ARID3A: variants seen among roughly 807,000 people sequenced by gnomAD.
ARID3A encodes AT-rich interaction domain 3A, also known as AT-rich interactive domain-containing protein 3A.
A neutral mutation model predicts 52.7 loss-of-function variants in ARID3A; 11 were observed. The ratio of observed to expected loss-of-function variants is 0.21; its 90% CI spans 0.13 to 0.35. The LOEUF is 0.35. Ranked by LOEUF, ARID3A falls within the 10% of genes least tolerant of loss-of-function variation. ARID3A has a pLI of 1.00. For missense variants in ARID3A, 721 were observed against 838.5 expected (o/e 0.86, Z 1.73); for synonymous variants, 404 against 359.4 (o/e 1.12, Z -1.40).
chr19:946,958 A>ATT (rs111913470), intron 3 of ARID3A, among the ~76,000 whole-genome samples: 11 of 139,048 alleles, frequency 7.9e-5, no homozygotes, highest in Admixed American at 5.0e-4. Flanking sequence ...TGCCTGGCTA[A>ATT]TTTTTTTTTT....
intron 3 of ARID3A, among the ~76,000 whole-genome samples, chr19:948,796 G>GCCTCCCGGATTCAAGTGATTCT (rs2037741176): frequency 7.5e-6 from 1 of 133,628 alleles, no homozygotes; most frequent in South Asian, 2.6e-4. Context: ...TGCAACCTCC[G>GCCTCCCGGATTCAAGTGATTCT]CCTCCCGGAT....
rs1275608980 is a variant in ARID3A at position 959,917 on chromosome 19, G to A, written c.694-175G>A. On this transcript the variant is annotated intron_variant, in intron 3 of 8. Coordinates refer to ENST00000263620, the MANE Select transcript of ARID3A (RefSeq NM_005224.3). The surrounding 1 kb of genome is among the most constrained non-coding windows in gnomAD (Gnocchi z 5.0). The stretch of plus-strand genomic sequence containing the variant: ...CGTTCACCGGCATTTCTGTCTTGCA[G>A]CCTTGTGGTTCTTCACCTGCCCAGC... 6.6e-6 allele frequency among the ~76,000 whole-genome samples: 1 copy of A among 152,142 alleles called. No homozygotes were observed. The highest frequency in any genetic ancestry group is 1.5e-5 in the Non-Finnish European group (1 of 68,020).
chr19:964,129 T>C lies in ARID3A; in HGVS notation c.767-119T>C. ...GCCCTGGGCAATGTCTGGAGACATC[T>C]GTGGTTGTCACAGCCTGGGCGGGGG... On this transcript the variant is annotated intron_variant, in intron 4 of 8. Coordinates refer to ENST00000263620, the MANE Select transcript of ARID3A (RefSeq NM_005224.3). This position sits in a 1 kb window ranked among gnomAD's most constrained non-coding sequence, Gnocchi z 5.7. The C allele has an allele frequency of 1.3e-6, 1 of 780,276 alleles. No individual in the cohort carries two copies. The highest frequency in any genetic ancestry group is 2.0e-6 in the Non-Finnish European group (1 of 490,900). The allele number at this position is 780,276 out of a possible 1,614,324, so 48.3% of individuals were successfully genotyped here.
chr19:950,414 G>A (rs1055898814), intron 3 of ARID3A, among the ~76,000 whole-genome samples: 1 of 152,066 alleles, frequency 6.6e-6, no homozygotes, highest in Non-Finnish European at 1.5e-5. Context: ...CAGAGTGAAT[G>A]GATGAGCACC....
chr19:969,429 C>G (rs530912406), intron 8 of ARID3A, among the ~76,000 whole-genome samples: 1 of 151,180 alleles, frequency 6.6e-6, no homozygotes, highest in Admixed American at 6.6e-5. Flanking sequence ...CCCAGCTACT[C>G]GGGAGGCTGA....
intron 4 of ARID3A, among the ~76,000 whole-genome samples, chr19:963,641 G>A (rs1057155624): frequency 3.3e-5 from 5 of 152,136 alleles, no homozygotes; most frequent in African/African-American, 9.7e-5. Flanking sequence ...CCCACCTACC[G>A]CCCTTCCCCT....
chr19:947,528 C>T lies in ARID3A; in HGVS notation c.694-12564C>T, dbSNP rs978561324. Among the ~76,000 whole-genome samples, 5 of 152,178 alleles carry T rather than the reference C, an allele frequency of 3.3e-5. No individual in the cohort carries two copies. The highest frequency in any genetic ancestry group is 1.2e-4 in the African/African-American group (5 of 41,444). On this transcript the variant is annotated intron_variant, in intron 3 of 8. Transcript: ENST00000263620. This position sits in a 1 kb window ranked among gnomAD's most constrained non-coding sequence, Gnocchi z 6.3. ...GCAAGGGACTCCCCCATCCATGTCT[C>T]AGCCCCCACCCAGATGCCCCGGGAC...
rs1599378697 is a variant in ARID3A, at chr19:929,249, T to C, written c.-267-13T>C. On this transcript the variant is annotated splice_polypyrimidine_tract_variant and intron_variant, in intron 1 of 8. Coordinates refer to ENST00000263620, the MANE Select transcript of ARID3A (RefSeq NM_005224.3). This position sits in a 1 kb window ranked among gnomAD's most constrained non-coding sequence, Gnocchi z 6.2. The stretch of plus-strand genomic sequence containing the variant: ...CTCAGGCCTGCTCTGACTGTGCCTT[T>C]TTTCCCCCTCAGGTTTCTGCAAATG... 2 of 228,192 alleles carry C rather than the reference T, an allele frequency of 8.8e-6. No homozygotes were observed. The highest frequency in any genetic ancestry group is 1.9e-4 in the East Asian group (2 of 10,806). 14.1% of individuals were successfully genotyped at this position (228,192 alleles called of 1,614,324 possible). A position where few individuals can be genotyped will look rare whatever the true frequency, so the allele number is the denominator to read the frequency against.
chr19:951,154 G>A (rs1004372766), intron 3 of ARID3A, among the ~76,000 whole-genome samples: 4 of 151,960 alleles, frequency 2.6e-5, no homozygotes, highest in South Asian at 2.1e-4. Flanking sequence ...ACGGGGTCTC[G>A]CTGTGTTGCT....
chr19:965,201 T>G, intron 6 of ARID3A, 121 bp downstream of exon 6: 1 of 1,199,782 alleles, frequency 8.3e-7, no homozygotes, highest in South Asian at 1.6e-5. Context: ...ATAGTTGGCA[T>G]GGAAAAGGGC....
intron 7 of ARID3A, among the ~76,000 whole-genome samples, chr19:968,056 A>AG (rs2145466374): frequency 7.3e-6 from 1 of 137,872 alleles, no homozygotes; most frequent in East Asian, 2.2e-4. Context: ...AAAAAAAAAA[A>AG]AAAGAAAGAA....
At chr19:926,284 G>GA (rs2037195495) in intron 1 of ARID3A, among the ~76,000 whole-genome samples, 1 of 151,734 alleles carries the variant, frequency 6.6e-6, no homozygotes, top group East Asian at 1.9e-4. Flanking sequence ...AAAGAAGGGG[G>GA]TCCCCAAAGT....
chr19:973,104 A>ATTTTT lies in ARID3A; in HGVS notation c.*1056_*1060dup, dbSNP rs56404084. 0.033 allele frequency: 1,781 copies of ATTTTT among 53,594 alleles called. 378 individuals carry two copies. Among genetic ancestry groups the ATTTTT allele is most frequent in the East Asian group, 0.23 (472 of 2,020 alleles). 3.3% of individuals were successfully genotyped at this position (53,594 alleles called of 1,614,324 possible). On this transcript the variant is annotated 3_prime_UTR_variant, in exon 9 of 9. Transcript: ENST00000263620. Reference sequence around the variant, plus strand: ...GGGCTCTCGAGTCAGGGGCCTGGAAATTTTTTTTTTTTTTTTTTTTTGAGA... The same window carrying ATTTTT: ...GGGCTCTCGAGTCAGGGGCCTGGAAATTTTTTTTTTTTTTTTTTTTTTTTTTGAGA...
Position 974,880 on chromosome 19 carries a change from T to C in ARID3A, c.*2815T>C, listed in dbSNP as rs916314624. 1.1e-5 allele frequency: 1 copy of C among 87,188 alleles called. No individual in the cohort carries two copies. The highest frequency in any genetic ancestry group is 2.3e-5 in the Non-Finnish European group (1 of 44,358). The allele number at this position is 87,188 out of a possible 1,614,324, so 5.4% of individuals were successfully genotyped here. On this transcript the variant is annotated 3_prime_UTR_variant, in exon 9 of 9. Transcript: ENST00000263620. ...AGGGACAGGCGGGGTGGGTGGGGGG[T>C]GGGCGCGAGGCTGGGTCCCGGCCCA...
chr19:932,309 C>G lies in ARID3A; in HGVS notation c.369-109C>G. On this transcript the variant is annotated intron_variant, in intron 2 of 8. Transcript: ENST00000263620. Reference sequence around the variant, plus strand: ...CAGTCTGAGCTGGCGGCGGCCGGCTCTTCCTATTTCCAGAGAGGGAAACTG... The same window carrying G: ...CAGTCTGAGCTGGCGGCGGCCGGCTGTTCCTATTTCCAGAGAGGGAAACTG... The G allele has an allele frequency of 2.6e-6, 4 of 1,545,394 alleles. No homozygotes were observed. The African/African-American group carries it at 4.3e-5, about 17-fold the overall frequency.
chr19:948,702 CTTTTTTTT>C (rs35592836), intron 3 of ARID3A, among the ~76,000 whole-genome samples: 1 of 77,288 alleles, frequency 1.3e-5, no homozygotes, highest in African/African-American at 5.3e-5. Flanking sequence ...GGCCTGGAGT[CTTTTTTTT>C]TTTTTTTTTT....
At chr19:962,267 T>A (rs1187436029) in intron 4 of ARID3A, among the ~76,000 whole-genome samples, 1 of 151,848 alleles carries the variant, frequency 6.6e-6, no homozygotes, top group Non-Finnish European at 1.5e-5. Context: ...AGTAAAAAAC[T>A]CTAACTAAAT....
chr19:951,429 T>A (rs1218737381), intron 3 of ARID3A, among the ~76,000 whole-genome samples: 1 of 151,870 alleles, frequency 6.6e-6, no homozygotes, highest in Non-Finnish European at 1.5e-5. Flanking sequence ...TGGTGGCAGG[T>A]GCCTGTGGTC....
intron 3 of ARID3A, among the ~76,000 whole-genome samples, chr19:936,083 C>T (rs2037433593): frequency 6.6e-6 from 1 of 152,266 alleles, no homozygotes; most frequent in Non-Finnish European, 1.5e-5. Context: ...AGCCACCGCG[C>T]CCGGCCCGTG....
Sources: allele counts gnomAD v4.1 joint callset (sites outside exome capture counted in the v4.1 genomes callset), GRCh38; gene constraint gnomAD v4.1.1; non-coding constraint Gnocchi (gnomAD v3.1); transcripts MANE v1.5; gene names NCBI Gene and HGNC (gene_info 2026-07-23, HGNC 2026-07-21).